The following RNF182 variants were observed in gnomAD, a reference collection of about 807,000 sequenced individuals.
RNF182 encodes ring finger protein 182.
A neutral mutation model predicts 14.4 loss-of-function variants in RNF182; 15 were observed. The observed-to-expected ratio is 1.04, with a 90% CI of 0.70 to 1.60. The LOEUF (loss-of-function observed/expected upper bound fraction) is 1.60. Ranked by LOEUF, RNF182 falls within the 40% of genes most tolerant of loss-of-function variation. The pLI is 0.00. For missense variants in RNF182, 268 were observed against 294.8 expected, an observed-to-expected ratio of 0.91 and a Z score of 0.67; for synonymous variants, 128 against 122.9, an observed-to-expected ratio of 1.04 and a Z score of -0.27.
chr6:13,943,473 A>G (rs1759350434), intron 1 of RNF182, among the ~76,000 whole-genome samples: 1 of 152,076 alleles, frequency 6.6e-6, no homozygotes. Context: ...TTTTTTTAAC[A>G]GTAAATCATG....
At chr6:13,941,262 T>C (rs1163870526) in intron 1 of RNF182, among the ~76,000 whole-genome samples, 6 of 152,132 alleles carry the variant, frequency 3.9e-5, no homozygotes, top group Admixed American at 2.0e-4. Flanking sequence ...TACAAACTTA[T>C]AATTGTTATA....
chr6:13,946,140 C>CATTATT (rs200937239), intron 1 of RNF182, among the ~76,000 whole-genome samples: 51,049 of 137,056 alleles, frequency 0.37, 10,136 homozygotes, highest in Non-Finnish European at 0.43. Context: ...TAAAGCAAAA[C>CATTATT]ATTATTATTA....
intron 1 of RNF182, among the ~76,000 whole-genome samples, chr6:13,934,273 T>C (rs1300113897): frequency 1.3e-5 from 2 of 152,166 alleles, no homozygotes; most frequent in Non-Finnish European, 2.9e-5. Flanking sequence ...CTGTCTCTTA[T>C]TGTTATGGAG....
intron 1 of RNF182, among the ~76,000 whole-genome samples, chr6:13,959,945 T>A (rs1466459783): frequency 6.6e-6 from 1 of 152,066 alleles, no homozygotes; most frequent in Non-Finnish European, 1.5e-5. Flanking sequence ...GATGGAACAA[T>A]CCAAGGGAAA....
At chr6:13,945,773 C>A in intron 1 of RNF182, among the ~76,000 whole-genome samples, 1 of 152,128 alleles carries the variant, frequency 6.6e-6, no homozygotes, top group East Asian at 1.9e-4. Flanking sequence ...TTTCCTCTGC[C>A]TTTTTGGCAT....
At chr6:13,936,509 G>C (rs886876401) in intron 1 of RNF182, among the ~76,000 whole-genome samples, 1 of 152,182 alleles carries the variant, frequency 6.6e-6, no homozygotes, top group Non-Finnish European at 1.5e-5. Context: ...AGTTTAAAAA[G>C]GGGAACATTT....
At chr6:13,968,794 A>T (rs1029631165) in intron 1 of RNF182, among the ~76,000 whole-genome samples, 1 of 152,216 alleles carries the variant, frequency 6.6e-6, no homozygotes, top group Admixed American at 6.5e-5. Context: ...GTTTATGTGT[A>T]CATGTGCATG....
In RNF182 at chr6:13,977,546, T is replaced by A. The variant is rs1760367925; in HGVS notation, c.427T>A (p.Ser143Thr). The change falls in exon 3 of 3, where the codon TCC becomes ACC. Residue 143 changes from serine to threonine, a missense_variant. Transcript: ENST00000488300. ...GGAGGTGCAGAGAGAGAGCTCCCCG[T>A]CCCTGAGCTCCACTCCTGTGGTAGA... ...IMEVQRESSPSLSSTPVVEFY... is the reference protein window; with the variant it reads ...IMEVQRESSPTLSSTPVVEFY... The A allele has an allele frequency of 1.9e-6, 3 of 1,614,106 alleles. No individual in the cohort carries two copies. Among genetic ancestry groups the A allele is most frequent in the Non-Finnish European group, 2.5e-6 (3 of 1,179,958 alleles).
chr6:13,958,570 G>A (rs999541572), intron 1 of RNF182, among the ~76,000 whole-genome samples: 8 of 152,122 alleles, frequency 5.3e-5, no homozygotes, highest in Admixed American at 2.6e-4. Flanking sequence ...TATATGGCAG[G>A]TATTTATTAT....
At chr6:13,934,411 A>G (rs137887625) in intron 1 of RNF182, among the ~76,000 whole-genome samples, 1 of 152,294 alleles carries the variant, frequency 6.6e-6, no homozygotes, top group Non-Finnish European at 1.5e-5. Flanking sequence ...GCTCACAGTT[A>G]CGTTAGTTGT....
chr6:13,976,272 A>G (rs777872691), intron 2 of RNF182, among the ~76,000 whole-genome samples: 3 of 152,222 alleles, frequency 2.0e-5, no homozygotes, highest in Non-Finnish European at 4.4e-5. Context: ...ATGAATGTAT[A>G]TGCACAGCTG....
rs1248355203 is a variant in RNF182, at chr6:13,945,813, TGTTACCA to T, written c.-367+20792_-367+20798del. Among the ~76,000 whole-genome samples the T allele has an allele frequency of 3.9e-5, 6 of 152,330 alleles. No homozygotes were observed. In the South Asian group the frequency reaches 1.2e-3, roughly 32 times the overall value. On this transcript the variant is annotated intron_variant, in intron 1 of 2. Transcript: ENST00000488300. ...TTCATTCTGATTACACCAGTGGATC[TGTTACCA>T]GAAAGGGGTCCCAAACCAGACCTCA...
At position 13,978,044 on chromosome 6, in the gene RNF182, A is replaced by G; in HGVS notation, c.*181A>G. 1.5e-6 allele frequency: 1 copy of G among 687,704 alleles called. No individual in the cohort carries two copies. The highest frequency in any genetic ancestry group is 2.4e-6 in the Non-Finnish European group (1 of 418,238). 42.6% of individuals were successfully genotyped at this position (687,704 alleles called of 1,614,324 possible). On this transcript the variant is annotated 3_prime_UTR_variant, in exon 3 of 3. Coordinates refer to ENST00000488300, the MANE Select transcript of RNF182 (RefSeq NM_152737.4). ...GCTGGAAGTAAAAATGTTCATTTCT[A>G]CTTAGGGGTTAGCAAAATTGTATAA... is the stretch of plus-strand genomic sequence containing the variant.
intron 1 of RNF182, among the ~76,000 whole-genome samples, chr6:13,964,401 C>G (rs1009027336): frequency 2.0e-5 from 3 of 151,994 alleles, no homozygotes; most frequent in African/African-American, 7.3e-5. Context: ...AATGTTCTGC[C>G]CAAATTAAAC....
intron 1 of RNF182, among the ~76,000 whole-genome samples, chr6:13,959,400 T>C (rs1187494516): frequency 6.6e-6 from 1 of 152,226 alleles, no homozygotes; most frequent in African/African-American, 2.4e-5. Context: ...AATCTCTATG[T>C]AATGAAAAAT....
intron 1 of RNF182, among the ~76,000 whole-genome samples, chr6:13,961,028 A>G (rs555029380): frequency 1.1e-4 from 16 of 152,318 alleles, no homozygotes; most frequent in Admixed American, 6.5e-4. Context: ...GTACTAAGCA[A>G]AAACCTAGAC....
chr6:13,960,114 A>G (rs1329909427), intron 1 of RNF182, among the ~76,000 whole-genome samples: 1 of 152,196 alleles, frequency 6.6e-6, no homozygotes. Flanking sequence ...GAGTAAGGGT[A>G]TAGTCATTGG....
intron 1 of RNF182, among the ~76,000 whole-genome samples, chr6:13,950,308 C>T (rs1351986294): frequency 6.6e-6 from 1 of 152,052 alleles, no homozygotes; most frequent in Non-Finnish European, 1.5e-5. Flanking sequence ...TTCCATACAT[C>T]TCAAGGCCTT....
chr6:13,939,359 TTA>T (rs1385144307), intron 1 of RNF182, among the ~76,000 whole-genome samples: 2 of 152,052 alleles, frequency 1.3e-5, no homozygotes, highest in African/African-American at 4.8e-5. Flanking sequence ...CTCCATTTAA[TTA>T]TGTTGTCTTT....
Sources: gnomAD v4.1 joint callset for allele counts (sites outside exome capture counted in the v4.1 genomes callset) on GRCh38, gnomAD v4.1.1 for gene constraint, MANE v1.5 for transcripts, NCBI Gene and HGNC (gene_info 2026-07-23, HGNC 2026-07-21) for gene names.